B4GALT6: variants seen among roughly 807,000 people sequenced by gnomAD.
B4GALT6 encodes the protein beta-1,4-galactosyltransferase 6, also known as UDP-Gal:beta-GlcNAc beta-1,4-galactosyltransferase 6.
In B4GALT6, 14 loss-of-function variants were observed where a neutral mutation model predicts 46.3. The ratio of observed to expected loss-of-function variants is 0.30; its 90% CI spans 0.20 to 0.47. The LOEUF (loss-of-function observed/expected upper bound fraction) is 0.47. Ranked by LOEUF, B4GALT6 falls within the 20% of genes least tolerant of loss-of-function variation. The probability of loss-of-function intolerance (pLI) is 0.99; values close to 1 mark genes in which losing one functional copy is unlikely to be tolerated. For missense variants in B4GALT6, 386 were observed against 480.1 expected, an observed-to-expected ratio of 0.80 and a Z score of 1.83; for synonymous variants, 168 against 162.0, an observed-to-expected ratio of 1.04 and a Z score of -0.28.
chr18:31,684,256 A>G, intron 1 of B4GALT6, 56 bp downstream of exon 1: 2 of 1,608,610 alleles, frequency 1.2e-6, no homozygotes, highest in African/African-American at 1.3e-5. Context: ...ATCGGATAAC[A>G]GCCTGCGCTG....
the B4GALT6 span, among the ~76,000 whole-genome samples, chr18:31,709,902 G>A: frequency 2.6e-5 from 4 of 151,862 alleles, no homozygotes; most frequent in Non-Finnish European, 4.4e-5. Flanking sequence ...AGACCAGCCT[G>A]GACAACATGG....
intron 4 of B4GALT6, 128 bp downstream of exon 4, chr18:31,645,227 G>A (rs976869639): frequency 7.7e-6 from 10 of 1,292,788 alleles, no homozygotes; most frequent in Non-Finnish European, 1.1e-5. Flanking sequence ...AAACATTAAA[G>A]ACAAAACTTT....
At chr18:31,667,084 A>G (rs2074291606) in intron 1 of B4GALT6, among the ~76,000 whole-genome samples, 1 of 152,174 alleles carries the variant, frequency 6.6e-6, no homozygotes, top group Non-Finnish European at 1.5e-5. Context: ...TAAATTGACA[A>G]AGCTTTATCG....
chr18:31,654,375 T>C (rs1394761139), intron 3 of B4GALT6, among the ~76,000 whole-genome samples: 2 of 152,208 alleles, frequency 1.3e-5, no homozygotes, highest in African/African-American at 4.8e-5. Flanking sequence ...ACAAAGAATC[T>C]TACATAAATG....
intron 3 of B4GALT6, among the ~76,000 whole-genome samples, chr18:31,656,444 C>T: frequency 6.6e-6 from 1 of 151,746 alleles, no homozygotes; most frequent in East Asian, 1.9e-4. Flanking sequence ...AAAATAATAG[C>T]CGTGTGGCTT....
the B4GALT6 span, among the ~76,000 whole-genome samples, chr18:31,700,468 T>TGTGA: frequency 9.4e-4 from 139 of 148,386 alleles, 1 homozygote; most frequent in East Asian, 6.1e-3. Context: ...TGTGTGTGTG[T>TGTGA]GAGAGAGAGA....
At chr18:31,705,286 G>GCTTTC in the B4GALT6 span, among the ~76,000 whole-genome samples, 1 of 152,210 alleles carries the variant, frequency 6.6e-6, no homozygotes, top group Non-Finnish European at 1.5e-5. Context: ...ATAAGGCAAG[G>GCTTTC]AGAGTACCAC....
At chr18:31,703,831 T>G in the B4GALT6 span, among the ~76,000 whole-genome samples, 4 of 152,202 alleles carry the variant, frequency 2.6e-5, no homozygotes, top group Non-Finnish European at 4.4e-5. Context: ...GAGAAATATG[T>G]AAAGCTCTGA....
intron 6 of B4GALT6, 117 bp downstream of exon 6, chr18:31,630,842 T>G (rs2073777927): frequency 5.0e-4 from 549 of 1,104,352 alleles, no homozygotes; most frequent in East Asian, 8.9e-4. Context: ...GAGTTAAAGA[T>G]GATATTCTTG....
intron 4 of B4GALT6, among the ~76,000 whole-genome samples, chr18:31,640,910 A>C (rs1356037258): frequency 6.6e-6 from 1 of 152,250 alleles, no homozygotes; most frequent in Non-Finnish European, 1.5e-5. Flanking sequence ...TATGAAAAGT[A>C]AAAGGAGCAA....
chr18:31,675,293 A>T (rs1211151326), intron 1 of B4GALT6, among the ~76,000 whole-genome samples: 1 of 152,220 alleles, frequency 6.6e-6, no homozygotes, highest in African/African-American at 2.4e-5. Flanking sequence ...TTCAGGGTGG[A>T]AACATGTTTA....
chr18:31,628,080 T>C (rs933723906), intron 6 of B4GALT6, among the ~76,000 whole-genome samples: 2 of 152,232 alleles, frequency 1.3e-5, no homozygotes, highest in Non-Finnish European at 2.9e-5. Flanking sequence ...GCTGGGGTCT[T>C]GTGTGGCACA....
chr18:31,722,979 T>C, the B4GALT6 span, among the ~76,000 whole-genome samples: 160 of 152,336 alleles, frequency 1.1e-3, 1 homozygote, highest in Non-Finnish European at 2.1e-3. Context: ...AATCATGAGG[T>C]TGGATTTTAA....
chr18:31,664,226 T>C (rs1403134876), intron 2 of B4GALT6, among the ~76,000 whole-genome samples: 6 of 152,118 alleles, frequency 3.9e-5, no homozygotes, highest in African/African-American at 1.2e-4. Context: ...AAATGAAAAG[T>C]GTGTGATGAC....
rs145760899 is a variant in B4GALT6 at position 31,628,056 on chromosome 18, C to T, written c.777-935G>A. On this transcript the variant is annotated intron_variant, in intron 6 of 8. Coordinates refer to ENST00000306851, the MANE Select transcript of B4GALT6 (RefSeq NM_004775.5). ...CACTCGCCTCACATTCTGAGAAGGACGTGCTGTTTGCCAGCTGGGGTCTTG... is the reference window on the plus strand; with the variant it reads ...CACTCGCCTCACATTCTGAGAAGGATGTGCTGTTTGCCAGCTGGGGTCTTG... Among the ~76,000 whole-genome samples, 4 of 152,316 alleles carry T rather than the reference C, an allele frequency of 2.6e-5. No homozygotes were observed. The East Asian group carries it at 5.8e-4, about 22-fold the overall frequency.
At chr18:31,642,469 T>C (rs758333501) in intron 4 of B4GALT6, among the ~76,000 whole-genome samples, 1 of 152,228 alleles carries the variant, frequency 6.6e-6, no homozygotes, top group Non-Finnish European at 1.5e-5. Flanking sequence ...ATCAAGCAGC[T>C]GCCTGGTTCT....
At position 31,622,444 on chromosome 18, in the gene B4GALT6, T is replaced by G. The variant is rs533106908; in HGVS notation, c.*3170A>C. ...ATAAACAATACTATAACCATTTTAG[T>G]TCTCTCAACCGGCATACTTGCAAAT... is the stretch of plus-strand genomic sequence containing the variant. On this transcript the variant is annotated 3_prime_UTR_variant, in exon 9 of 9. Transcript: ENST00000306851. The G allele has an allele frequency of 3.3e-5, 5 of 152,158 alleles. No homozygotes were observed. In the East Asian group the frequency reaches 9.6e-4, roughly 29 times the overall value. 9.4% of individuals were successfully genotyped at this position (152,158 alleles called of 1,614,324 possible).
the B4GALT6 span, among the ~76,000 whole-genome samples, chr18:31,716,827 G>A: frequency 1.3e-5 from 2 of 152,090 alleles, no homozygotes; most frequent in Non-Finnish European, 2.9e-5. Flanking sequence ...AGTAGGCCGG[G>A]TGCCACTCAC....
chr18:31,723,472 G>A, the B4GALT6 span, among the ~76,000 whole-genome samples: 5 of 152,126 alleles, frequency 3.3e-5, no homozygotes, highest in African/African-American at 1.2e-4. Flanking sequence ...CTGAAGAGTG[G>A]CGCTGTAGCT....
Sources: allele counts gnomAD v4.1 joint callset (sites outside exome capture counted in the v4.1 genomes callset), GRCh38; gene constraint gnomAD v4.1.1; transcripts MANE v1.5; gene names NCBI Gene and HGNC (gene_info 2026-07-23, HGNC 2026-07-21).